Variants in FANCD2 observed in about 807,000 individuals in gnomAD.
The protein encoded by FANCD2 is Fanconi anemia group D2 protein.
FANCD2 carries 131 observed loss-of-function variants against 192.3 expected under a neutral mutation model. That is an observed-to-expected ratio of 0.68 (90% CI 0.59 to 0.79). The LOEUF is 0.79. Ranked by LOEUF, FANCD2 falls within the 30% of genes least tolerant of loss-of-function variation. FANCD2 has a pLI of 0.00. For synonymous variants in FANCD2, 524 were observed against 612.5 expected (o/e 0.86, Z 2.13); for missense variants, 1,508 against 1,701.6 (o/e 0.89, Z 2.00).
chr3:10,099,249 T>G, intron 43 of FANCD2: 1 of 1,308,430 alleles, frequency 7.6e-7, no homozygotes, highest in South Asian at 1.6e-5. Flanking sequence ...GCTGCCACCT[T>G]AGAGAACTGA....
chr3:10,043,275 T>C, intron 12 of FANCD2, 125 bp downstream of exon 12: 1 of 831,614 alleles, frequency 1.2e-6, no homozygotes, highest in South Asian at 1.5e-5. Context: ...ATATTGTTTT[T>C]CAAATTACAT....
intron 14 of FANCD2, among the ~76,000 whole-genome samples, chr3:10,044,504 C>T (rs930256966): frequency 1.3e-5 from 2 of 152,018 alleles, no homozygotes; most frequent in Non-Finnish European, 2.9e-5. Context: ...CCCGTCTCTA[C>T]TAAAAATACA....
intron 18 of FANCD2, among the ~76,000 whole-genome samples, chr3:10,053,756 T>C (rs969696252): frequency 6.6e-6 from 1 of 152,048 alleles, no homozygotes; most frequent in African/African-American, 2.4e-5. Flanking sequence ...ACTGATATAT[T>C]AGATCCTCTG....
intron 30 of FANCD2, among the ~76,000 whole-genome samples, chr3:10,078,645 C>T (rs1160371628): frequency 1.3e-5 from 2 of 151,466 alleles, no homozygotes; most frequent in Non-Finnish European, 2.9e-5. Flanking sequence ...TGAGCCACCG[C>T]GCCCGGCCTC....
At position 10,101,727 on chromosome 3, in the gene FANCD2, A is replaced by G. The variant is rs1695311752; in HGVS notation, c.*465A>G. The G allele has an allele frequency of 7.9e-6, 2 of 252,806 alleles. No individual in the cohort carries two copies. Among genetic ancestry groups the G allele is most frequent in the Non-Finnish European group, 1.6e-5 (2 of 128,368 alleles). 15.7% of individuals were successfully genotyped at this position (252,806 alleles called of 1,614,324 possible). On this transcript the variant is annotated 3_prime_UTR_variant, in exon 44 of 44. Transcript: ENST00000675286. The stretch of plus-strand genomic sequence containing the variant: ...GGGTCTTTATTAACTTGTGGACATC[A>G]TGGATTGTCTAACACCATCACAGTC...
intron 13 of FANCD2, 101 bp downstream of exon 13, chr3:10,043,693 C>G (rs1575750050): frequency 1.5e-6 from 2 of 1,322,536 alleles, no homozygotes; most frequent in South Asian, 1.2e-5. Context: ...AAAACTCATT[C>G]AAGTGGAAAT....
intron 20 of FANCD2, 25 bp downstream of exon 20, chr3:10,062,236 C>A (rs1425390002): frequency 6.3e-7 from 1 of 1,580,642 alleles, no homozygotes; most frequent in African/African-American, 1.4e-5. Flanking sequence ...TCCTTTCTTT[C>A]TTTTTCCTGT....
chr3:10,083,034 C>A (rs986660862), intron 32 of FANCD2, among the ~76,000 whole-genome samples: 1 of 152,136 alleles, frequency 6.6e-6, no homozygotes, highest in African/African-American at 2.4e-5. Context: ...CGAGACCAGC[C>A]TGGGAAGCAT....
chr3:10,071,457 G>A (rs920404167), intron 26 of FANCD2, among the ~76,000 whole-genome samples: 1 of 152,154 alleles, frequency 6.6e-6, no homozygotes, highest in African/African-American at 2.4e-5. Flanking sequence ...CCATCAGCGG[G>A]TGAATGGATA....
At chr3:10,098,943 C>G (rs1474873820) in intron 43 of FANCD2, 128 bp downstream of exon 43, 4 of 1,614,076 alleles carry the variant, frequency 2.5e-6, no homozygotes, top group African/African-American at 2.7e-5. Context: ...TTTCCATTCC[C>G]TCCATAACAG....
chr3:10,089,555 C>CACCT (rs1242047092), intron 36 of FANCD2, among the ~76,000 whole-genome samples: 1 of 152,050 alleles, frequency 6.6e-6, no homozygotes, highest in East Asian at 1.9e-4. Flanking sequence ...CTGCAACCTC[C>CACCT]ACCTCCTGGG....
rs1695288624 is a variant in FANCD2, at chr3:10,101,367, T to C, written c.*105T>C. On this transcript the variant is annotated 3_prime_UTR_variant, in exon 44 of 44. Coordinates refer to ENST00000675286, the MANE Select transcript of FANCD2 (RefSeq NM_001018115.3). ...TGCCTTTCTTACTGGTAGGATCCTT[T>C]TTTGTTCCTCTTTTTTTTTTTTTTT... 1.3e-6 allele frequency: 1 copy of C among 779,062 alleles called. No homozygotes were observed. Among genetic ancestry groups the C allele is most frequent in the Non-Finnish European group, 2.1e-6 (1 of 466,818 alleles). The allele number at this position is 779,062 out of a possible 1,614,324, so 48.3% of individuals were successfully genotyped here.
chr3:10,032,994 A>C (rs761634079), intron 3 of FANCD2, 22 bp downstream of exon 3: 1 of 1,524,470 alleles, frequency 6.6e-7, no homozygotes, highest in South Asian at 1.1e-5. Flanking sequence ...ATCTAATTTT[A>C]TTCTCTGGGT....
At chr3:10,042,738 C>A in intron 11 of FANCD2, 75 bp downstream of exon 11, 1 of 1,103,736 alleles carries the variant, frequency 9.1e-7, no homozygotes, top group Non-Finnish European at 1.4e-6. Context: ...CCCAGACTAA[C>A]TGAGAATACT....
chr3:10,032,398 A>T (rs1169199500), intron 2 of FANCD2: 3 of 313,970 alleles, frequency 9.6e-6, no homozygotes, highest in Non-Finnish European at 1.8e-5. Context: ...CTTCCGCCTT[A>T]GCCTCCGAAG....
intron 30 of FANCD2, among the ~76,000 whole-genome samples, chr3:10,079,732 G>A (rs920743259): frequency 1.3e-5 from 2 of 152,206 alleles, no homozygotes; most frequent in African/African-American, 4.8e-5. Flanking sequence ...CCTCAGTGTA[G>A]TAGTAAGCTG....
At chr3:10,096,560 C>T (rs1448918574) in intron 42 of FANCD2, 88 bp downstream of exon 42, 35 of 1,257,016 alleles carry the variant, frequency 2.8e-5, no homozygotes, top group Non-Finnish European at 4.0e-5. Flanking sequence ...CACCTAAGCC[C>T]TCGTCTCTCA....
At position 10,078,241 on chromosome 3, in the gene FANCD2, G is replaced by A. The variant is rs201078750; in HGVS notation, c.2976+44G>A. On this transcript the variant is annotated intron_variant, in intron 30 of 43. Coordinates refer to ENST00000675286, the MANE Select transcript of FANCD2 (RefSeq NM_001018115.3). ...ATAGGACTTGGGCATAGTGGATTTG[G>A]GAACAAAGGAGGTATTATGATGAAA... 2.3e-6 allele frequency: 3 copies of A among 1,277,882 alleles called. No homozygotes were observed. The East Asian group carries it at 6.9e-5, about 30-fold the overall frequency. The allele number at this position is 1,277,882 out of a possible 1,614,324, so 79.2% of individuals were successfully genotyped here. A position where few individuals can be genotyped will look rare whatever the true frequency, so the allele number is the denominator to read the frequency against.
chr3:10,075,787 G>T (rs1293953596), intron 29 of FANCD2, among the ~76,000 whole-genome samples: 1 of 144,726 alleles, frequency 6.9e-6, no homozygotes, highest in Non-Finnish European at 1.5e-5. Context: ...CTGGAGTGCG[G>T]TGGTGGGATC....
Sources: gnomAD v4.1 joint callset for allele counts (sites outside exome capture counted in the v4.1 genomes callset) on GRCh38, gnomAD v4.1.1 for gene constraint, MANE v1.5 for transcripts, NCBI Gene and HGNC (gene_info 2026-07-23, HGNC 2026-07-21) for gene names.